Variants in CDH13 observed in about 807,000 individuals in gnomAD.
CDH13 encodes the protein cadherin 13.
CDH13 carries 24 observed loss-of-function variants against 63.8 expected under a neutral mutation model. The observed-to-expected ratio is 0.38, with a 90% CI of 0.27 to 0.53. The LOEUF (loss-of-function observed/expected upper bound fraction) is 0.53. Ranked by LOEUF, CDH13 falls within the 20% of genes least tolerant of loss-of-function variation. CDH13 has a pLI of 0.85. For missense variants in CDH13, 1,049 were observed against 903.1 expected (o/e 1.16, Z -2.07); for synonymous variants, 503 against 355.3 (o/e 1.42, Z -4.67).
intron 1 of CDH13, among the ~76,000 whole-genome samples, chr16:82,730,481 C>A (rs6565062): frequency 0.46 from 69,588 of 151,926 alleles, 16,564 homozygotes; most frequent in East Asian, 0.65. Flanking sequence ...TTACCTATTA[C>A]GTTAGCCTTC....
At chr16:82,870,244 C>CA (rs1324639284) in intron 2 of CDH13, among the ~76,000 whole-genome samples, 4 of 151,936 alleles carry the variant, frequency 2.6e-5, no homozygotes, top group African/African-American at 9.6e-5. Flanking sequence ...CAGAGAAATG[C>CA]AAAAAAATGT....
chr16:83,677,092 A>T (rs1036000372), intron 9 of CDH13, among the ~76,000 whole-genome samples: 3 of 152,236 alleles, frequency 2.0e-5, no homozygotes, highest in African/African-American at 7.2e-5. Flanking sequence ...TAGGAACTTG[A>T]TAGAAGCAGT....
At chr16:83,290,505 G>A (rs1322768344) in intron 5 of CDH13, among the ~76,000 whole-genome samples, 1 of 152,070 alleles carries the variant, frequency 6.6e-6, no homozygotes, top group Non-Finnish European at 1.5e-5. Flanking sequence ...ACGTGCCTTT[G>A]CCCCTCCTTT....
chr16:83,120,747 C>T lies in CDH13; in HGVS notation c.367-4638C>T, dbSNP rs372236390. Among the ~76,000 whole-genome samples, 59 of 134,532 alleles carry T rather than the reference C, an allele frequency of 4.4e-4. 1 individual carries two copies. The highest frequency in any genetic ancestry group is 1.9e-3 in the East Asian group (9 of 4,770). The allele number at this position is 134,532 out of a possible 152,430, so 88.3% of individuals were successfully genotyped here. A position where few individuals can be genotyped will look rare whatever the true frequency, so the allele number is the denominator to read the frequency against. ...ATATCAGTTTTGTGTAAATACAACGCGCTCTAATTTTCTTTCTTTTTTTTT... is the reference window on the plus strand; with the variant it reads ...ATATCAGTTTTGTGTAAATACAACGTGCTCTAATTTTCTTTCTTTTTTTTT... On this transcript the variant is annotated intron_variant, in intron 3 of 13. Coordinates refer to ENST00000567109, the MANE Select transcript of CDH13 (RefSeq NM_001257.5).
chr16:83,045,114 G>A (rs942314672), intron 3 of CDH13, among the ~76,000 whole-genome samples: 2 of 152,034 alleles, frequency 1.3e-5, no homozygotes, highest in Middle Eastern at 3.2e-3. Flanking sequence ...CTTTGCGGTC[G>A]GCATGACTCC....
At chr16:83,252,455 A>G (rs372927181) in intron 5 of CDH13, among the ~76,000 whole-genome samples, 1 of 152,084 alleles carries the variant, frequency 6.6e-6, no homozygotes, top group African/African-American at 2.4e-5. Flanking sequence ...TAAAACCATT[A>G]TATCTTCCTT....
At chr16:82,758,919 C>CT (rs1346311073) in intron 1 of CDH13, among the ~76,000 whole-genome samples, 4 of 152,206 alleles carry the variant, frequency 2.6e-5, no homozygotes, top group Admixed American at 2.6e-4. Context: ...TTCTTAAATA[C>CT]ACGTAACAGC....
At chr16:83,605,517 G>A (rs767802865) in intron 8 of CDH13, among the ~76,000 whole-genome samples, 8 of 152,174 alleles carry the variant, frequency 5.3e-5, no homozygotes, top group Non-Finnish European at 2.9e-5. Context: ...CTACATCCCA[G>A]TCTCTTCACC....
At chr16:83,649,682 A>C (rs559952877) in intron 8 of CDH13, among the ~76,000 whole-genome samples, 3 of 152,294 alleles carry the variant, frequency 2.0e-5, no homozygotes, top group Admixed American at 1.3e-4. Context: ...AGAAAGAGGC[A>C]AAGGGAGGGG....
rs141498887 is a variant in CDH13, at chr16:83,530,384, A to T, written c.960+43729A>T. Among the ~76,000 whole-genome samples the T allele has an allele frequency of 7.5e-3, 1,140 of 152,282 alleles. 18 individuals carry two copies. The highest frequency in any genetic ancestry group is 0.026 in the African/African-American group (1,060 of 41,548). On this transcript the variant is annotated intron_variant, in intron 7 of 13. Coordinates refer to ENST00000567109, the MANE Select transcript of CDH13 (RefSeq NM_001257.5). ...ATTAGACACCTTCTTACACATTCAG[A>T]TGGCATTTCCAGCTGGCTGTCTAAA...
intron 8 of CDH13, among the ~76,000 whole-genome samples, chr16:83,656,163 C>T (rs1169657542): frequency 1.3e-5 from 2 of 152,016 alleles, no homozygotes; most frequent in Non-Finnish European, 2.9e-5. Context: ...ACAGATATTT[C>T]GTAGAAATGG....
chr16:83,670,863 C>G lies in CDH13; in HGVS notation c.1175C>G (p.Thr392Ser). The G allele has an allele frequency of 6.2e-7, 1 of 1,613,892 alleles. No individual in the cohort carries two copies. Among genetic ancestry groups the G allele is most frequent in the South Asian group, 1.1e-5 (1 of 91,076 alleles). Residue 392 changes from threonine to serine, a missense_variant, in exon 9 of 14, where the codon ACC becomes AGC. Thr to Ser is a moderately conservative substitution (Grantham distance 58). Coordinates refer to ENST00000567109, the MANE Select transcript of CDH13 (RefSeq NM_001257.5). The part of the protein sequence containing the change: ...NLTVEDKDDP[T>S]TGAWRAAYTI... ...ACAGTTGAAGATAAGGATGACCCCA[C>G]CACAGGTGCATGGAGGGCTGCCTAC... is the stretch of plus-strand genomic sequence containing the variant.
At chr16:82,766,636 A>G (rs1315000997) in intron 1 of CDH13, among the ~76,000 whole-genome samples, 1 of 152,234 alleles carries the variant, frequency 6.6e-6, no homozygotes, top group Non-Finnish European at 1.5e-5. Flanking sequence ...TCACTCTATC[A>G]TAATAATAGG....
At chr16:83,723,034 G>A (rs1415416227) in intron 10 of CDH13, among the ~76,000 whole-genome samples, 4 of 152,156 alleles carry the variant, frequency 2.6e-5, no homozygotes, top group African/African-American at 9.7e-5. Context: ...GCTTAATAAA[G>A]GGAGTACATG....
chr16:83,001,837 A>T (rs1404661396), intron 2 of CDH13, among the ~76,000 whole-genome samples: 1 of 152,144 alleles, frequency 6.6e-6, no homozygotes, highest in African/African-American at 2.4e-5. Context: ...ACTGCTGGGG[A>T]GCTATGGGAA....
intron 1 of CDH13, among the ~76,000 whole-genome samples, chr16:82,752,177 A>C (rs947324733): frequency 1.3e-5 from 2 of 152,214 alleles, no homozygotes; most frequent in African/African-American, 4.8e-5. Flanking sequence ...CTTTCCACCA[A>C]ATTCTCTTCT....
chr16:83,469,572 A>T (rs1291433039), intron 6 of CDH13, among the ~76,000 whole-genome samples: 5 of 152,124 alleles, frequency 3.3e-5, no homozygotes, highest in Admixed American at 3.3e-4. Context: ...GGCAACCTTG[A>T]TCATGGGTTT....
chr16:83,625,061 T>C (rs1276100954), intron 8 of CDH13, among the ~76,000 whole-genome samples: 1 of 152,200 alleles, frequency 6.6e-6, no homozygotes, highest in Non-Finnish European at 1.5e-5. Context: ...GGACACAAGC[T>C]ACAAATCAGG....
intron 6 of CDH13, among the ~76,000 whole-genome samples, chr16:83,369,005 A>C (rs1370386053): frequency 4.2e-5 from 6 of 142,032 alleles, no homozygotes; most frequent in Non-Finnish European, 9.1e-5. Flanking sequence ...TTGCAATTGC[A>C]AATTGTGCTG....
Sources: gnomAD v4.1 joint callset for allele counts (sites outside exome capture counted in the v4.1 genomes callset) on GRCh38, gnomAD v4.1.1 for gene constraint, MANE v1.5 for transcripts, NCBI Gene and HGNC (gene_info 2026-07-23, HGNC 2026-07-21) for gene names.